The following EEF2 variants were observed in gnomAD, a reference collection of about 807,000 sequenced individuals.
EEF2 encodes elongation factor 2.
EEF2 carries 21 observed loss-of-function variants against 85.3 expected under a neutral mutation model. The ratio of observed to expected loss-of-function variants is 0.25; its 90% CI spans 0.17 to 0.35. The LOEUF is 0.35. Among genes scored for constraint, EEF2 ranks in the 10% least tolerant of loss-of-function variants. The pLI, the probability that EEF2 is intolerant of heterozygous loss-of-function variation, is 1.00. For missense variants in EEF2, 825 were observed against 1,225.3 expected (o/e 0.67, Z 4.88); for synonymous variants, 723 against 508.8 (o/e 1.42, Z -5.67).
intron 4 of EEF2, 181 bp from the exon 5 acceptor site, chr19:3,982,605 C>G: frequency 9.5e-7 from 1 of 1,051,412 alleles, no homozygotes; most frequent in African/African-American, 1.6e-5. Context: ...CCCAGGGCAG[C>G]GTTCCCTGAG....
Position 3,977,780 on chromosome 19 carries a change from G to T in EEF2, c.2067+39C>A. ...GACCATGAGGTCCCTCTAGAGCCTG[G>T]AAACGGGTGTGGTCTGCACATGCTG... On this transcript the variant is annotated intron_variant, in intron 12 of 14. Transcript: ENST00000309311. This position sits in a 1 kb window ranked among gnomAD's most constrained non-coding sequence, Gnocchi z 5.4. 1 of 1,530,204 alleles carries T rather than the reference G, an allele frequency of 6.5e-7. No individual in the cohort carries two copies. The allele number at this position is 1,530,204 out of a possible 1,614,324, so 94.8% of individuals were successfully genotyped here. A position where few individuals can be genotyped will look rare whatever the true frequency, so the allele number is the denominator to read the frequency against.
chr19:3,981,510 G>T, intron 6 of EEF2, 58 bp from the exon 7 acceptor site: 1 of 1,503,596 alleles, frequency 6.7e-7, no homozygotes. Flanking sequence ...AGGAAGCCTG[G>T]CACTGCTTCC....
chr19:3,977,210 C>T lies in EEF2; in HGVS notation c.2383+5G>A. Reference sequence around the variant, plus strand: ...CTCTGCAGGCCACACCGGGCAGGCACTCACCAAAGGACTCGTTGACGGGCA... The same window carrying T: ...CTCTGCAGGCCACACCGGGCAGGCATTCACCAAAGGACTCGTTGACGGGCA... On this transcript the variant is annotated splice_donor_5th_base_variant and intron_variant, in intron 14 of 14. Coordinates refer to ENST00000309311, the MANE Select transcript of EEF2 (RefSeq NM_001961.4). This position sits in a 1 kb window ranked among gnomAD's most constrained non-coding sequence, Gnocchi z 5.4. 1 of 1,612,918 alleles carries T rather than the reference C, an allele frequency of 6.2e-7. No homozygotes were observed. Among genetic ancestry groups the T allele is most frequent in the Non-Finnish European group, 8.5e-7 (1 of 1,179,536 alleles).
rs565882905 is a variant in EEF2 at position 3,980,213 on chromosome 19, C to T, written c.1347-147G>A. On this transcript the variant is annotated intron_variant, in intron 9 of 14. Transcript: ENST00000309311. ...TTCCACAAGGCCCTGACTGCTGCGT[C>T]GGGGCTGTCAGGAAACATCCTCTTC... The T allele has an allele frequency of 3.3e-5, 41 of 1,236,950 alleles. No homozygotes were observed. In the African/African-American group the frequency reaches 3.8e-4, roughly 11 times the overall value. 76.6% of individuals were successfully genotyped at this position (1,236,950 alleles called of 1,614,324 possible). A position where few individuals can be genotyped will look rare whatever the true frequency, so the allele number is the denominator to read the frequency against.
At chr19:3,976,844 T>A (rs2039685309) in intron 14 of EEF2, 97 bp from the exon 15 acceptor site, 1 of 1,332,840 alleles carries the variant, frequency 7.5e-7, no homozygotes, top group South Asian at 1.5e-5. Context: ...TCAGCCTGAG[T>A]CACCCTGCAG....
rs1235476163 is a variant in EEF2 at position 3,983,785 on chromosome 19, T to C, written c.218+351A>G. 6.6e-5 allele frequency: 24 copies of C among 364,796 alleles called. No individual in the cohort carries two copies. In the South Asian group the frequency reaches 6.7e-4, roughly 10 times the overall value. 22.6% of individuals were successfully genotyped at this position (364,796 alleles called of 1,614,324 possible). On this transcript the variant is annotated intron_variant, in intron 2 of 14. Transcript: ENST00000309311. ...AGAAACTGACATGGAATGAACATCA[T>C]CCAGTGCAACACAGGAGCTTCCCAG...
chr19:3,980,443 G>T, intron 9 of EEF2, 71 bp downstream of exon 9: 2 of 1,515,256 alleles, frequency 1.3e-6, no homozygotes, highest in Non-Finnish European at 1.8e-6. Flanking sequence ...CCCGACTGAG[G>T]AGCCCAAGAC....
At chr19:3,981,132 C>G (rs537447266) in intron 7 of EEF2, among the ~76,000 whole-genome samples, 153 bp from the exon 8 acceptor site, 2 of 152,264 alleles carry the variant, frequency 1.3e-5, no homozygotes, top group South Asian at 4.1e-4. Context: ...AGGCCATGCA[C>G]ACTCCTGCCA....
Position 3,984,120 on chromosome 19 carries a change from G to A in EEF2, c.218+16C>T, listed in dbSNP as rs752418537. ...AGCACCTCCCTGCCTGGGTACAGAG[G>A]GCACAGGGAGCTCACGTTGACTTGA... On this transcript the variant is annotated intron_variant, in intron 2 of 14. Coordinates refer to ENST00000309311, the MANE Select transcript of EEF2 (RefSeq NM_001961.4). The A allele has an allele frequency of 4.9e-5, 79 of 1,612,790 alleles. No homozygotes were observed. In the East Asian group the frequency reaches 1.1e-3, roughly 23 times the overall value.
In EEF2 at chr19:3,982,340, C is replaced by T. The variant is rs2039761540; in HGVS notation, c.697G>A (p.Val233Met). Residue 233 changes from valine (V) to methionine (M), a missense_variant, in exon 5 of 15, where the codon GTG becomes ATG. Transcript: ENST00000309311. The part of the protein sequence containing the change: ...FTLKQFAEMY[V>M]AKFAAKGEGQ... ...TCCCCCTTGGCGGCGAACTTGGCCA[C>T]ATACATCTCGGCAAACTGCTTCAGG... The T allele has an allele frequency of 6.2e-7, 1 of 1,614,186 alleles. No individual in the cohort carries two copies. Among genetic ancestry groups the T allele is most frequent in the Non-Finnish European group, 8.5e-7 (1 of 1,180,028 alleles).
In EEF2 at chr19:3,982,023, C is replaced by T. The variant is rs753331233; in HGVS notation, c.821G>A (p.Ser274Asn). ...RYFDPANGKF[S>N]KSATSPEGKK... The stretch of plus-strand genomic sequence containing the variant: ...CCCTTCGGGGCTGGTGGCTGACTTG[C>T]TGAACTTGCCGTTGGCTGGGTCAAA... The change falls in exon 6 of 15, where the codon AGC (serine) becomes AAC (asparagine). Residue 274 changes from serine (S) to asparagine (N), a missense_variant. Coordinates refer to ENST00000309311, the MANE Select transcript of EEF2 (RefSeq NM_001961.4). 5 of 1,614,168 alleles carry T rather than the reference C, an allele frequency of 3.1e-6. No individual in the cohort carries two copies. Among genetic ancestry groups the T allele is most frequent in the Non-Finnish European group, 4.2e-6 (5 of 1,180,018 alleles).
rs933499157 is a variant in EEF2 at position 3,980,534 on chromosome 19, G to C, written c.1326C>G (p.Leu442=). The C allele has an allele frequency of 3.1e-6, 5 of 1,613,998 alleles. No homozygotes were observed. The highest frequency in any genetic ancestry group is 4.2e-6 in the Non-Finnish European group (5 of 1,179,902). ...PNYTPGKKED[L]YLKPIQRTIL... ...CTCACCTCTGGATTGGCTTCAGGTA[G>C]AGGTCCTCCTTCTTCCCAGGGGTAT... Residue 442 remains leucine (L), a synonymous_variant, in exon 9 of 15, where the codon CTC becomes CTG. Coordinates refer to ENST00000309311, the MANE Select transcript of EEF2 (RefSeq NM_001961.4).
At position 3,985,382 on chromosome 19, in the gene EEF2, G is replaced by C; in HGVS notation, c.-2C>G. The C allele has an allele frequency of 6.6e-7, 1 of 1,514,782 alleles. No individual in the cohort carries two copies. Among genetic ancestry groups the C allele is most frequent in the Non-Finnish European group, 8.9e-7 (1 of 1,128,626 alleles). 93.8% of individuals were successfully genotyped at this position (1,514,782 alleles called of 1,614,324 possible). A position where few individuals can be genotyped will look rare whatever the true frequency, so the allele number is the denominator to read the frequency against. On this transcript the variant is annotated 5_prime_UTR_variant, in exon 1 of 15. Coordinates refer to ENST00000309311, the MANE Select transcript of EEF2 (RefSeq NM_001961.4). Reference sequence around the variant, plus strand: ...CAGCGAGGCAGGGTTACTCACCATGGTGGCGGATGGCGGTGGATTCTCCCA... The same window carrying C: ...CAGCGAGGCAGGGTTACTCACCATGCTGGCGGATGGCGGTGGATTCTCCCA...
rs767003023 is a variant in EEF2, at chr19:3,977,501, C to T, written c.2177G>A (p.Arg726Gln). Residue 726 changes from arginine to glutamine, a missense_variant, in exon 13 of 15, where the codon CGG becomes CAG. Arg to Gln is a conservative substitution (Grantham distance 43). Transcript: ENST00000309311. This position sits in a 1 kb window ranked among gnomAD's most constrained non-coding sequence, Gnocchi z 5.4. ...RGGGQIIPTA[R>Q]RCLYASVLTA... ...CAGCACACTGGCATAGAGGCAGCGC[C>T]GTGCTGTGGGGATGATCTGGCCCCC... 1.3e-6 allele frequency: 2 copies of T among 1,590,704 alleles called. No homozygotes were observed. Among genetic ancestry groups the T allele is most frequent in the Non-Finnish European group, 1.7e-6 (2 of 1,173,800 alleles).
At chr19:3,984,821 C>T in intron 1 of EEF2, 1 of 187,632 alleles carries the variant, frequency 5.3e-6, no homozygotes, top group Non-Finnish European at 1.1e-5. Flanking sequence ...GCCGGAACGG[C>T]CCTAACTGCC....
intron 4 of EEF2, 144 bp downstream of exon 4, chr19:3,982,650 GGGTCAAGTCGGAT>G: frequency 9.1e-7 from 1 of 1,098,886 alleles, no homozygotes; most frequent in African/African-American, 1.5e-5. Context: ...ATCAAGGGCT[GGGTCAAGTCGGAT>G]GAAAACATTC....
chr19:3,979,150 C>A (rs771322929), intron 11 of EEF2, among the ~76,000 whole-genome samples, 179 bp downstream of exon 11: 4 of 152,028 alleles, frequency 2.6e-5, no homozygotes, highest in East Asian at 1.9e-4. Context: ...ACAACAACAA[C>A]AAAAACAGCC....
intron 9 of EEF2, 84 bp downstream of exon 9, chr19:3,980,430 G>C: frequency 6.8e-7 from 1 of 1,475,154 alleles, no homozygotes; most frequent in South Asian, 1.3e-5. Context: ...CTTACTTCTA[G>C]CTCCCGACTG....
At chr19:3,982,191 C>T (rs1367041754) in intron 5 of EEF2, 55 bp downstream of exon 5, 2 of 1,606,750 alleles carry the variant, frequency 1.2e-6, no homozygotes, top group African/African-American at 1.3e-5. Context: ...GCCCCTACGT[C>T]GCTGCCACTA....
Sources: gnomAD v4.1 joint callset for allele counts (sites outside exome capture counted in the v4.1 genomes callset) on GRCh38, gnomAD v4.1.1 for gene constraint, Gnocchi (gnomAD v3.1) non-coding constraint, MANE v1.5 for transcripts, NCBI Gene and HGNC (gene_info 2026-07-23, HGNC 2026-07-21) for gene names.